The following MYT1L variants were observed in gnomAD, a reference collection of about 807,000 sequenced individuals.
The protein encoded by MYT1L is myelin transcription factor 1-like protein.
MYT1L carries 12 observed loss-of-function variants against 126.7 expected under a neutral mutation model. The observed-to-expected ratio is 0.09, with a 90% CI of 0.06 to 0.15. MYT1L has a LOEUF of 0.15. MYT1L is among the 10% of genes least tolerant of loss of function. The probability of loss-of-function intolerance (pLI) is 1.00; values close to 1 mark genes in which losing one functional copy is unlikely to be tolerated. For missense variants in MYT1L, 979 were observed against 1,585.2 expected (o/e 0.62, Z 6.49); for synonymous variants, 541 against 604.2 (o/e 0.90, Z 1.53).
chr2:2,140,965 T>G (rs1278755693), intron 3 of MYT1L, among the ~76,000 whole-genome samples: 9 of 152,204 alleles, frequency 5.9e-5, no homozygotes, highest in African/African-American at 1.7e-4. Context: ...AACCCAAAAC[T>G]ATATAATCAT....
intron 2 of MYT1L, among the ~76,000 whole-genome samples, chr2:2,273,653 G>A (rs1008234244): frequency 6.6e-6 from 1 of 152,184 alleles, no homozygotes; most frequent in East Asian, 1.9e-4. Context: ...AGGGTAGGGG[G>A]GCTGTGACCA....
chr2:2,172,177 G>A lies in MYT1L; in HGVS notation c.-304+695C>T, dbSNP rs2090140854. 2.0e-5 allele frequency among the ~76,000 whole-genome samples: 3 copies of A among 152,220 alleles called. No individual in the cohort carries two copies. The South Asian group carries it at 6.2e-4, about 32-fold the overall frequency. Reference sequence around the variant, plus strand: ...CCAGCCCTAAAAATATGTGCTGCCAGGCAGCAGCCACTAGGTATGCGCCAA... The same window carrying A: ...CCAGCCCTAAAAATATGTGCTGCCAAGCAGCAGCCACTAGGTATGCGCCAA... On this transcript the variant is annotated intron_variant, in intron 3 of 24. Transcript: ENST00000647738.
At chr2:2,158,831 G>A (rs1222257582) in intron 3 of MYT1L, among the ~76,000 whole-genome samples, 3 of 152,134 alleles carry the variant, frequency 2.0e-5, no homozygotes, top group Non-Finnish European at 2.9e-5. Flanking sequence ...GGCAGACAGC[G>A]CAGGCAGACC....
chr2:2,170,959 G>C (rs2089969953), intron 3 of MYT1L, among the ~76,000 whole-genome samples: 1 of 152,290 alleles, frequency 6.6e-6, no homozygotes, highest in Admixed American at 6.5e-5. Context: ...GCAAGCACTG[G>C]TTGTGCGTCT....
intron 3 of MYT1L, among the ~76,000 whole-genome samples, chr2:2,138,052 A>T (rs992077493): frequency 3.9e-5 from 6 of 152,232 alleles, no homozygotes; most frequent in African/African-American, 1.4e-4. Flanking sequence ...CACTTCGCAA[A>T]ATAAGACATT....
intron 5 of MYT1L, among the ~76,000 whole-genome samples, chr2:1,992,219 C>T (rs1004102358): frequency 2.6e-5 from 4 of 152,204 alleles, no homozygotes; most frequent in Non-Finnish European, 4.4e-5. Context: ...CGTCGGTCCA[C>T]GTTCTCCATA....
chr2:2,181,402 G>A (rs528195467), intron 2 of MYT1L, among the ~76,000 whole-genome samples: 3 of 152,240 alleles, frequency 2.0e-5, no homozygotes, highest in Non-Finnish European at 2.9e-5. Context: ...GTTACTGATT[G>A]CTAGCTGAAC....
intron 2 of MYT1L, among the ~76,000 whole-genome samples, chr2:2,252,865 G>T (rs905573551): frequency 2.6e-5 from 4 of 152,122 alleles, no homozygotes; most frequent in African/African-American, 9.7e-5. Flanking sequence ...AGAACATTCT[G>T]GGGCCTATAA....
At chr2:1,837,677 T>C (rs544055563) in intron 21 of MYT1L, among the ~76,000 whole-genome samples, 181 of 152,162 alleles carry the variant, frequency 1.2e-3, no homozygotes, top group African/African-American at 4.3e-3. Flanking sequence ...TGTGACACCC[T>C]GGGCTTCTGT....
At chr2:2,202,162 G>T (rs1192780017) in intron 2 of MYT1L, among the ~76,000 whole-genome samples, 5 of 151,978 alleles carry the variant, frequency 3.3e-5, no homozygotes, top group Admixed American at 6.6e-5. Flanking sequence ...GCCCACAAGA[G>T]AAAGCAGGAA....
At chr2:2,109,232 C>T (rs891032097) in intron 3 of MYT1L, among the ~76,000 whole-genome samples, 2 of 152,150 alleles carry the variant, frequency 1.3e-5, no homozygotes, top group Non-Finnish European at 2.9e-5. Context: ...TTGCAACAGT[C>T]TTTGGAATGT....
intron 23 of MYT1L, among the ~76,000 whole-genome samples, chr2:1,796,371 G>C (rs1225059617): frequency 6.6e-6 from 1 of 152,196 alleles, no homozygotes; most frequent in South Asian, 2.1e-4. Context: ...AAGTGTCCTC[G>C]TGCAGGGAGG....
At chr2:2,024,701 C>T (rs181838487) in intron 4 of MYT1L, among the ~76,000 whole-genome samples, 5 of 152,334 alleles carry the variant, frequency 3.3e-5, no homozygotes, top group East Asian at 3.9e-4. Context: ...ACTTTCCCCA[C>T]GCAGGCACCC....
Position 1,793,170 on chromosome 2 carries a change from C to T in MYT1L, c.3277-706G>A, listed in dbSNP as rs145633757. Among the ~76,000 whole-genome samples the T allele has an allele frequency of 7.6e-3, 1,161 of 152,324 alleles. 10 individuals carry two copies. Among genetic ancestry groups the T allele is most frequent in the African/African-American group, 0.025 (1,051 of 41,568 alleles). On this transcript the variant is annotated intron_variant, in intron 23 of 24. Coordinates refer to ENST00000647738, the MANE Select transcript of MYT1L (RefSeq NM_001303052.2). The surrounding 1 kb of genome is among the most constrained non-coding windows in gnomAD (Gnocchi z 4.6). ...TGGCACCAGGCTGGCACTGTGCCCA[C>T]AGGGTGGTCTTCCTGCATTTCTCTA...
chr2:1,956,631 C>G (rs959809941), intron 8 of MYT1L, among the ~76,000 whole-genome samples: 2 of 144,386 alleles, frequency 1.4e-5, no homozygotes, highest in African/African-American at 5.3e-5. Context: ...TACCTACCTA[C>G]CTATCTAGCT....
intron 2 of MYT1L, among the ~76,000 whole-genome samples, chr2:2,251,512 C>A (rs1478215156): frequency 6.6e-6 from 1 of 152,148 alleles, no homozygotes; most frequent in African/African-American, 2.4e-5. Context: ...CTCCAGCTGA[C>A]TTGTACCCTC....
At chr2:2,252,821 TC>T (rs1207881131) in intron 2 of MYT1L, among the ~76,000 whole-genome samples, 1 of 152,164 alleles carries the variant, frequency 6.6e-6, no homozygotes, top group Non-Finnish European at 1.5e-5. Flanking sequence ...TAAAATGCCT[TC>T]CCCTCTTTCT....
intron 2 of MYT1L, among the ~76,000 whole-genome samples, chr2:2,271,603 T>G (rs544277143): frequency 6.6e-6 from 1 of 152,272 alleles, no homozygotes; most frequent in African/African-American, 2.4e-5. Context: ...CAAAGTGCCA[T>G]AGGTCAGTGT....
chr2:1,945,040 G>T (rs2057069780), intron 8 of MYT1L, among the ~76,000 whole-genome samples: 1 of 152,108 alleles, frequency 6.6e-6, no homozygotes, highest in Non-Finnish European at 1.5e-5. Context: ...AACAATCTGC[G>T]AAAGACATGA....
Sources: allele counts gnomAD v4.1 joint callset (sites outside exome capture counted in the v4.1 genomes callset), GRCh38; gene constraint gnomAD v4.1.1; non-coding constraint Gnocchi (gnomAD v3.1); transcripts MANE v1.5; gene names NCBI Gene and HGNC (gene_info 2026-07-23, HGNC 2026-07-21).